Variants in RFX4 observed in about 807,000 individuals in gnomAD.
The protein encoded by RFX4 is transcription factor RFX4.
Under a neutral mutation model 95.0 loss-of-function variants are expected in RFX4, and 10 were observed. The observed-to-expected ratio is 0.11, with a 90% CI of 0.06 to 0.18. RFX4 has a LOEUF of 0.18. Among genes scored for constraint, RFX4 ranks in the 10% least tolerant of loss-of-function variants. RFX4 has a pLI of 1.00. For synonymous variants in RFX4, 321 were observed against 340.7 expected (o/e 0.94, Z 0.64); for missense variants, 640 against 922.0 (o/e 0.69, Z 3.96).
intron 1 of RFX4, among the ~76,000 whole-genome samples, chr12:106,599,415 A>T (rs1048803484): frequency 1.3e-5 from 2 of 152,130 alleles, no homozygotes; most frequent in African/African-American, 2.4e-5. Flanking sequence ...TTCGAGTCAG[A>T]TTCAAATCCC....
intron 6 of RFX4, 60 bp from the exon 7 acceptor site, chr12:106,689,227 G>A (rs2041730031): frequency 7.3e-7 from 1 of 1,368,012 alleles, no homozygotes; most frequent in Non-Finnish European, 1.0e-6. Context: ...AAAGTCCAAG[G>A]GCAGCAGCAA....
intron 3 of RFX4, among the ~76,000 whole-genome samples, chr12:106,642,064 G>A (rs1434330730): frequency 6.6e-6 from 1 of 151,264 alleles, no homozygotes; most frequent in Non-Finnish European, 1.5e-5. Context: ...AGGCTGGAGT[G>A]CAATGGCGTG....
Position 106,645,815 on chromosome 12 carries a change from G to A in RFX4, c.191+6423G>A, listed in dbSNP as rs116250945. The A allele has an allele frequency of 1.2e-3, 1,063 of 911,354 alleles. 9 individuals are homozygous for A. The African/African-American group carries it at 0.017, about 15-fold the overall frequency. The allele number at this position is 911,354 out of a possible 1,614,324, so 56.5% of individuals were successfully genotyped here. A position where few individuals can be genotyped will look rare whatever the true frequency, so the allele number is the denominator to read the frequency against. ...ACATTGCTTTCATAATGTGAGTTAG[G>A]TAACATGGTTCTAAAAAGGGAGGCT... On this transcript the variant is annotated intron_variant, in intron 3 of 17. Transcript: ENST00000392842.
intron 1 of RFX4, among the ~76,000 whole-genome samples, chr12:106,606,321 G>A (rs1478072462): frequency 2.0e-5 from 3 of 152,118 alleles, no homozygotes; most frequent in Admixed American, 6.5e-5. Context: ...AAGACCAGGG[G>A]TTGGCCCAGA....
At chr12:106,605,916 A>G (rs1446058555) in intron 1 of RFX4, among the ~76,000 whole-genome samples, 1 of 151,200 alleles carries the variant, frequency 6.6e-6, no homozygotes, top group Non-Finnish European at 1.5e-5. Context: ...TTTTCATGGC[A>G]CCTCCCACCC....
chr12:106,728,366 C>T lies in RFX4; in HGVS notation c.1352-3764C>T, dbSNP rs76845234. 5.3e-4 allele frequency among the ~76,000 whole-genome samples: 79 copies of T among 149,916 alleles called. No individual in the cohort carries two copies. The East Asian group carries it at 0.015, about 28-fold the overall frequency. ...TGAGAAGTTAAAAGAGCTTACTTAG[C>T]GCGGTGCATATGGAAGTAGTCAATG... is the stretch of plus-strand genomic sequence containing the variant. On this transcript the variant is annotated intron_variant, in intron 13 of 17. Coordinates refer to ENST00000392842, the MANE Select transcript of RFX4 (RefSeq NM_213594.3).
At chr12:106,683,481 A>AAAG (rs1293310522) in intron 5 of RFX4, 1 of 149,366 alleles carries the variant, frequency 6.7e-6, no homozygotes, top group African/African-American at 2.4e-5. Context: ...AAAAAAAAAA[A>AAAG]AAAAAAAAAA....
chr12:106,659,524 T>C (rs2041029842), intron 4 of RFX4, among the ~76,000 whole-genome samples: 1 of 152,230 alleles, frequency 6.6e-6, no homozygotes, highest in Non-Finnish European at 1.5e-5. Context: ...GGTAGAAGTG[T>C]CTAGCTCTGT....
At chr12:106,728,174 A>G (rs4964485) in intron 13 of RFX4, among the ~76,000 whole-genome samples, 54,306 of 151,022 alleles carry the variant, frequency 0.36, 9,872 homozygotes, top group South Asian at 0.4. Context: ...ATATTACCAT[A>G]TAACAATAAC....
chr12:106,677,791 A>T (rs1410905941), intron 4 of RFX4, among the ~76,000 whole-genome samples: 1 of 152,174 alleles, frequency 6.6e-6, no homozygotes, highest in Non-Finnish European at 1.5e-5. Flanking sequence ...TCTGTGGTCC[A>T]GGCAGTGAGA....
chr12:106,761,126 C>A, intron 17 of RFX4, 71 bp from the exon 18 acceptor site: 1 of 1,479,082 alleles, frequency 6.8e-7, no homozygotes, highest in Non-Finnish European at 9.2e-7. Context: ...AAACTATAAA[C>A]ATGACTGATA....
intron 1 of RFX4, chr12:106,585,697 TCGCG>T (rs1165178420): frequency 6.6e-6 from 1 of 152,188 alleles, no homozygotes; most frequent in African/African-American, 2.4e-5. Flanking sequence ...TTGTATAAGA[TCGCG>T]CGCGATCAGA....
intron 4 of RFX4, among the ~76,000 whole-genome samples, chr12:106,654,575 G>A (rs2040919428): frequency 6.6e-6 from 1 of 152,082 alleles, no homozygotes; most frequent in South Asian, 2.1e-4. Flanking sequence ...AATTTCCTCA[G>A]TACTTAATTT....
chr12:106,686,612 T>C (rs1215724462), intron 5 of RFX4, among the ~76,000 whole-genome samples: 2 of 152,118 alleles, frequency 1.3e-5, no homozygotes, highest in Non-Finnish European at 2.9e-5. Flanking sequence ...CCTCTCTGCT[T>C]TGCAAAGTAT....
At chr12:106,664,289 A>T (rs1396112589) in intron 4 of RFX4, among the ~76,000 whole-genome samples, 1 of 151,884 alleles carries the variant, frequency 6.6e-6, no homozygotes, top group African/African-American at 2.4e-5. Flanking sequence ...TGGCAAATCA[A>T]ATCTTTCAAG....
intron 1 of RFX4, chr12:106,583,707 C>T (rs1227747995): frequency 9.7e-6 from 2 of 205,308 alleles, no homozygotes; most frequent in African/African-American, 4.6e-5. Context: ...CAGCCGACCG[C>T]CCCCTCCCGG....
In RFX4 at chr12:106,761,415, C is replaced by T; in HGVS notation, c.2154C>T (p.His718=). Residue 718 remains histidine, a synonymous_variant, in exon 18 of 18, where the codon CAC becomes CAT. Coordinates refer to ENST00000392842, the MANE Select transcript of RFX4 (RefSeq NM_213594.3). ...ATTCTGAATATGAGCACATGCAACACTTTCCTGGCTTTGCTTACATCAACG... is the reference window on the plus strand; with the variant it reads ...ATTCTGAATATGAGCACATGCAACATTTTCCTGGCTTTGCTTACATCAACG... ...RRNSEYEHMQ[H]FPGFAYINGE... 1 of 1,614,160 alleles carries T rather than the reference C, an allele frequency of 6.2e-7. No homozygotes were observed. Among genetic ancestry groups the T allele is most frequent in the South Asian group, 1.1e-5 (1 of 91,088 alleles).
intron 4 of RFX4, among the ~76,000 whole-genome samples, chr12:106,658,332 G>T (rs570054541): frequency 5.9e-5 from 9 of 151,960 alleles, no homozygotes; most frequent in African/African-American, 2.2e-4. Context: ...TTGAAGAATC[G>T]CCTTCAAAGT....
rs748574703 is a variant in RFX4 at position 106,601,379 on chromosome 12, G to T, written c.44-7418G>T. On this transcript the variant is annotated intron_variant, in intron 1 of 17. Coordinates refer to ENST00000392842, the MANE Select transcript of RFX4 (RefSeq NM_213594.3). Reference sequence around the variant, plus strand: ...CCAGGGCCCAGGGACAGGAGACTGGGGTGGGCCTGGCACCCTCAGGGGGAA... The same window carrying T: ...CCAGGGCCCAGGGACAGGAGACTGGTGTGGGCCTGGCACCCTCAGGGGGAA... 2.6e-6 allele frequency: 4 copies of T among 1,555,498 alleles called. No individual in the cohort carries two copies. The East Asian group carries it at 9.6e-5, about 37-fold the overall frequency.
Sources: allele counts gnomAD v4.1 joint callset (sites outside exome capture counted in the v4.1 genomes callset), GRCh38; gene constraint gnomAD v4.1.1; transcripts MANE v1.5; gene names NCBI Gene and HGNC (gene_info 2026-07-23, HGNC 2026-07-21).